ZNF451: variants seen among roughly 807,000 people sequenced by gnomAD.
ZNF451 encodes the protein zinc finger protein 451.
ZNF451 carries 80 observed loss-of-function variants against 107.1 expected under a neutral mutation model. The ratio of observed to expected loss-of-function variants is 0.75; its 90% CI spans 0.62 to 0.90. The LOEUF is 0.90. Ranked by LOEUF, ZNF451 falls within the 40% of genes least tolerant of loss-of-function variation. ZNF451 has a pLI of 0.00. For missense variants in ZNF451, 1,107 were observed against 1,236.2 expected (o/e 0.90, Z 1.57); for synonymous variants, 362 against 406.5 (o/e 0.89, Z 1.32).
At chr6:57,158,958 G>A (rs139535067) in intron 13 of ZNF451, 9 of 985,416 alleles carry the variant, frequency 9.1e-6, no homozygotes, top group Non-Finnish European at 1.1e-5. Context: ...AGGTGCTATG[G>A]AAGTGTAGAT....
intron 3 of ZNF451, among the ~76,000 whole-genome samples, chr6:57,117,937 T>C (rs549105476): frequency 6.6e-6 from 1 of 152,316 alleles, no homozygotes; most frequent in East Asian, 1.9e-4. Context: ...AACATGGCCT[T>C]CTTCCTGTCC....
At chr6:57,167,527 T>A (rs1763951260) in intron 14 of ZNF451, among the ~76,000 whole-genome samples, 1 of 152,188 alleles carries the variant, frequency 6.6e-6, no homozygotes, top group African/African-American at 2.4e-5. Flanking sequence ...TTTAACTTGA[T>A]ACACAGTTCA....
At chr6:57,127,168 G>A (rs1242933624) in intron 4 of ZNF451, among the ~76,000 whole-genome samples, 1 of 152,072 alleles carries the variant, frequency 6.6e-6, no homozygotes, top group Non-Finnish European at 1.5e-5. Flanking sequence ...TAGTGATCCT[G>A]TAGGATACAC....
intron 3 of ZNF451, among the ~76,000 whole-genome samples, chr6:57,099,962 AC>A (rs2127938208): frequency 6.6e-6 from 1 of 152,304 alleles, no homozygotes; most frequent in African/African-American, 2.4e-5. Flanking sequence ...AAATTAAGTA[AC>A]CTTTTAGCCT....
intron 7 of ZNF451, among the ~76,000 whole-genome samples, chr6:57,136,958 A>G (rs1831460168): frequency 6.6e-6 from 1 of 152,306 alleles, no homozygotes; most frequent in East Asian, 1.9e-4. Context: ...TATCAGACAG[A>G]CCTGGGTTCC....
intron 3 of ZNF451, among the ~76,000 whole-genome samples, chr6:57,110,915 T>G (rs56066167): frequency 1.2e-4 from 18 of 152,002 alleles, no homozygotes; most frequent in African/African-American, 4.3e-4. Context: ...TTTTTTTTTT[T>G]TTCCTTCTTT....
chr6:57,111,779 A>G (rs923486284), intron 3 of ZNF451, among the ~76,000 whole-genome samples: 29 of 152,202 alleles, frequency 1.9e-4, no homozygotes, highest in African/African-American at 6.8e-4. Context: ...TTTTATAGAG[A>G]TAGATGTTGG....
Position 57,112,228 on chromosome 6 carries a change from A to G in ZNF451, c.187-12506A>G, listed in dbSNP as rs150361561. Among the ~76,000 whole-genome samples the G allele has an allele frequency of 3.6e-3, 548 of 152,342 alleles. 2 individuals carry two copies. The highest frequency in any genetic ancestry group is 0.012 in the African/African-American group (514 of 41,572). ...GGTGGTGCAAACTTCAGACCAAACT[A>G]TGAATTGAAGCTTTAGGATGGGCAA... On this transcript the variant is annotated intron_variant, in intron 3 of 14. Transcript: ENST00000370706.
At chr6:57,101,887 G>A (rs1829614849) in intron 3 of ZNF451, 1 of 1,550,432 alleles carries the variant, frequency 6.4e-7, no homozygotes, top group African/African-American at 1.4e-5. Flanking sequence ...AGATGTGAAA[G>A]CTGTTGTTGC....
At chr6:57,143,707 C>G (rs1226278965) in intron 9 of ZNF451, among the ~76,000 whole-genome samples, 2 of 152,036 alleles carry the variant, frequency 1.3e-5, no homozygotes, top group East Asian at 3.9e-4. Context: ...TGTTGACAGC[C>G]AAGAGCAAAG....
rs538764538 is a variant in ZNF451 at position 57,134,737 on chromosome 6, T to G, written c.576-7T>G. The stretch of plus-strand genomic sequence containing the variant: ...TAATATTACCTCTTACCTCTTTTGC[T>G]GAGTAGGTTCGATCACTCTCCATGT... On this transcript the variant is annotated splice_polypyrimidine_tract_variant and splice_region_variant and intron_variant, in intron 6 of 14. Transcript: ENST00000370706. The G allele has an allele frequency of 6.2e-7, 1 of 1,609,278 alleles. No individual in the cohort carries two copies. Among genetic ancestry groups the G allele is most frequent in the East Asian group, 2.2e-5 (1 of 44,794 alleles).
Position 57,147,702 on chromosome 6 carries a change from G to GTTA in ZNF451, c.1618_1620dup (p.Leu540dup), listed in dbSNP as rs1240217633. The GTTA allele has an allele frequency of 1.9e-6, 3 of 1,613,914 alleles. No homozygotes were observed. On this transcript the variant is annotated inframe_insertion, in exon 10 of 15. Transcript: ENST00000370706. ...TCTGGTGTCGGACATGCAAAAAGGA[G>GTTA]TTAACAAGGAAAGATACTATCATGG...
At chr6:57,099,664 C>T (rs1829494148) in intron 3 of ZNF451, 1 of 603,368 alleles carries the variant, frequency 1.7e-6, no homozygotes, top group African/African-American at 1.8e-5. Context: ...TTTATCTTAC[C>T]TGTGATGTAC....
intron 14 of ZNF451, among the ~76,000 whole-genome samples, chr6:57,163,420 T>G (rs755201222): frequency 7.0e-6 from 1 of 143,476 alleles, no homozygotes; most frequent in Non-Finnish European, 1.5e-5. Flanking sequence ...AAATGGTTGC[T>G]TGTTAAATGA....
intron 14 of ZNF451, among the ~76,000 whole-genome samples, chr6:57,162,164 A>G (rs776946297): frequency 1.4e-4 from 21 of 152,226 alleles, no homozygotes; most frequent in Non-Finnish European, 1.2e-4. Flanking sequence ...ACATTCCAGT[A>G]TAATGTTTAT....
chr6:57,137,354 C>T (rs896058563), intron 7 of ZNF451, among the ~76,000 whole-genome samples: 3 of 152,060 alleles, frequency 2.0e-5, no homozygotes, highest in Admixed American at 6.6e-5. Flanking sequence ...CCCCCATTTT[C>T]TTTCATCTTC....
At chr6:57,108,232 T>C in intron 3 of ZNF451, 1 of 985,454 alleles carries the variant, frequency 1.0e-6, no homozygotes, top group Non-Finnish European at 1.2e-6. Context: ...CTAACTTTCA[T>C]ATGCTATCTT....
At chr6:57,102,652 T>C (rs1829662721) in intron 3 of ZNF451, 8 of 985,406 alleles carry the variant, frequency 8.1e-6, no homozygotes, top group Admixed American at 6.1e-5. Context: ...ACTATCAAGC[T>C]CTGTGAGACT....
chr6:57,167,182 T>TACAC (rs397975599), intron 14 of ZNF451, among the ~76,000 whole-genome samples: 215 of 149,926 alleles, frequency 1.4e-3, no homozygotes, highest in African/African-American at 3.9e-3. Context: ...CGTATATATA[T>TACAC]ACACACACAC....
Sources: allele counts gnomAD v4.1 joint callset (sites outside exome capture counted in the v4.1 genomes callset), GRCh38; gene constraint gnomAD v4.1.1; transcripts MANE v1.5; gene names NCBI Gene and HGNC (gene_info 2026-07-23, HGNC 2026-07-21).